OCA2: variants seen among roughly 807,000 people sequenced by gnomAD.
The protein encoded by OCA2 is P protein.
Under a neutral mutation model 100.2 loss-of-function variants are expected in OCA2, and 77 were observed. The ratio of observed to expected loss-of-function variants is 0.77; its 90% CI spans 0.64 to 0.93. The LOEUF (loss-of-function observed/expected upper bound fraction) is 0.93. OCA2 is among the 40% of genes least tolerant of loss of function. OCA2 has a pLI of 0.00. For missense variants in OCA2, 1,062 were observed against 1,089.1 expected, an observed-to-expected ratio of 0.98 and a Z score of 0.35; for synonymous variants, 432 against 439.2, an observed-to-expected ratio of 0.98 and a Z score of 0.21.
intron 11 of OCA2, among the ~76,000 whole-genome samples, chr15:27,987,060 C>T (rs963112910): frequency 6.6e-6 from 1 of 152,196 alleles, no homozygotes; most frequent in Admixed American, 6.5e-5. Flanking sequence ...TCCACACAAG[C>T]AACACTTAAA....
chr15:27,906,310 T>C (rs988413602), intron 19 of OCA2, among the ~76,000 whole-genome samples: 8 of 152,172 alleles, frequency 5.3e-5, no homozygotes, highest in Non-Finnish European at 8.8e-5. Flanking sequence ...CAACAACTAT[T>C]ATGTACTCAG....
chr15:27,965,274 C>G (rs1004977296), intron 15 of OCA2, among the ~76,000 whole-genome samples: 1 of 152,132 alleles, frequency 6.6e-6, no homozygotes, highest in Non-Finnish European at 1.5e-5. Flanking sequence ...GAAAAAGAAA[C>G]CTATATATTA....
rs1169350144 is a variant in OCA2, at chr15:27,798,924, G to A, written c.2433-43452C>T. Among the ~76,000 whole-genome samples the A allele has an allele frequency of 2.0e-5, 3 of 152,296 alleles. No homozygotes were observed. The East Asian group carries it at 5.8e-4, about 29-fold the overall frequency. On this transcript the variant is annotated intron_variant, in intron 23 of 23. Transcript: ENST00000354638. ...AAAAGGCCTTAAAGAATTCCATTTAGAATATGGTTTCCTTGAGCACAACCC... is the reference window on the plus strand; with the variant it reads ...AAAAGGCCTTAAAGAATTCCATTTAAAATATGGTTTCCTTGAGCACAACCC...
chr15:27,769,226 A>G (rs997760946), intron 23 of OCA2, among the ~76,000 whole-genome samples: 3 of 152,214 alleles, frequency 2.0e-5, no homozygotes, highest in Non-Finnish European at 4.4e-5. Flanking sequence ...TCACCATGCC[A>G]TGTTAGGGAA....
At chr15:27,893,150 G>A (rs555706147) in intron 19 of OCA2, among the ~76,000 whole-genome samples, 184 of 152,338 alleles carry the variant, frequency 1.2e-3, no homozygotes, top group African/African-American at 3.9e-3. Flanking sequence ...GGCTGGAGCC[G>A]TGGCAGAGGA....
At chr15:27,801,058 T>C (rs2033582934) in intron 23 of OCA2, among the ~76,000 whole-genome samples, 1 of 152,074 alleles carries the variant, frequency 6.6e-6, no homozygotes, top group Non-Finnish European at 1.5e-5. Flanking sequence ...GTACCAAACA[T>C]ATAAGGTTGA....
At chr15:27,786,475 G>A (rs1205821561) in intron 23 of OCA2, among the ~76,000 whole-genome samples, 1 of 152,090 alleles carries the variant, frequency 6.6e-6, no homozygotes, top group Non-Finnish European at 1.5e-5. Context: ...GCAATGCCAC[G>A]TTGTTTGCAG....
chr15:28,084,222 C>T (rs2044733523), intron 1 of OCA2, among the ~76,000 whole-genome samples: 1 of 152,228 alleles, frequency 6.6e-6, no homozygotes, highest in Non-Finnish European at 1.5e-5. Context: ...GTGCTGTGAT[C>T]TGAGACTTCA....
Position 27,964,572 on chromosome 15 carries a change from C to T in OCA2, c.1636+2118G>A, listed in dbSNP as rs530792425. Reference sequence around the variant, plus strand: ...CTAAGAACAGATGATGATCAGGGCCCCTGCCAGTCCATTGGGGAGGGGGCG... The same window carrying T: ...CTAAGAACAGATGATGATCAGGGCCTCTGCCAGTCCATTGGGGAGGGGGCG... On this transcript the variant is annotated intron_variant, in intron 15 of 23. Coordinates refer to ENST00000354638, the MANE Select transcript of OCA2 (RefSeq NM_000275.3). Among the ~76,000 whole-genome samples the T allele has an allele frequency of 3.3e-5, 5 of 152,294 alleles. No individual in the cohort carries two copies. The East Asian group carries it at 9.7e-4, about 29-fold the overall frequency.
intron 17 of OCA2, among the ~76,000 whole-genome samples, chr15:27,952,219 G>A (rs1166649118): frequency 6.6e-6 from 1 of 152,136 alleles, no homozygotes; most frequent in South Asian, 2.1e-4. Flanking sequence ...TCTCTACCAC[G>A]CCAAGCATGC....
chr15:28,041,785 C>T, intron 2 of OCA2, among the ~76,000 whole-genome samples: 1 of 152,170 alleles, frequency 6.6e-6, no homozygotes, highest in South Asian at 2.1e-4. Context: ...ATCTTAGAAA[C>T]ATAATGTTGC....
At chr15:28,029,855 G>T (rs2042863381) in intron 3 of OCA2, among the ~76,000 whole-genome samples, 1 of 152,174 alleles carries the variant, frequency 6.6e-6, no homozygotes. Context: ...TTAGCTTCAT[G>T]CAAAAAGAGA....
At chr15:27,858,953 A>C (rs1349059128) in intron 21 of OCA2, among the ~76,000 whole-genome samples, 1 of 152,128 alleles carries the variant, frequency 6.6e-6, no homozygotes, top group African/African-American at 2.4e-5. Context: ...ATTACAAGGA[A>C]AATCAGAAAA....
intron 18 of OCA2, among the ~76,000 whole-genome samples, chr15:27,931,524 C>G (rs189850888): frequency 9.9e-4 from 150 of 152,044 alleles, no homozygotes; most frequent in African/African-American, 3.4e-3. Context: ...TTAGCAGAGA[C>G]GGGGTTTCAC....
At chr15:27,756,006 A>G (rs2030334526) in intron 23 of OCA2, among the ~76,000 whole-genome samples, 1 of 152,234 alleles carries the variant, frequency 6.6e-6, no homozygotes, top group Non-Finnish European at 1.5e-5. Flanking sequence ...GAGGTGTGAG[A>G]CGTGTGGACA....
intron 20 of OCA2, among the ~76,000 whole-genome samples, chr15:27,871,507 C>A (rs905734525): frequency 3.9e-5 from 6 of 152,354 alleles, no homozygotes; most frequent in Admixed American, 3.9e-4. Flanking sequence ...GTGACCCTGC[C>A]CCTCATCCCC....
intron 2 of OCA2, among the ~76,000 whole-genome samples, chr15:28,078,788 T>A (rs962703465): frequency 6.6e-6 from 1 of 152,236 alleles, no homozygotes; most frequent in Non-Finnish European, 1.5e-5. Context: ...CTGCTAAGTT[T>A]GGGAGAAATT....
chr15:27,825,748 C>T (rs1014247866), intron 23 of OCA2, among the ~76,000 whole-genome samples: 1 of 152,200 alleles, frequency 6.6e-6, no homozygotes, highest in Non-Finnish European at 1.5e-5. Flanking sequence ...TGAGGCTCCT[C>T]GCAGCTCCTC....
chr15:27,725,605 T>C, the OCA2 span, among the ~76,000 whole-genome samples: 1 of 151,982 alleles, frequency 6.6e-6, no homozygotes, highest in East Asian at 1.9e-4. Flanking sequence ...AAAACCTACG[T>C]TTCTCAACAC....
Sources: allele counts gnomAD v4.1 joint callset (sites outside exome capture counted in the v4.1 genomes callset), GRCh38; gene constraint gnomAD v4.1.1; transcripts MANE v1.5; gene names NCBI Gene and HGNC (gene_info 2026-07-23, HGNC 2026-07-21).